CELA1: variants seen among roughly 807,000 people sequenced by gnomAD.
The protein encoded by CELA1 is chymotrypsin like elastase 1.
A neutral mutation model predicts 34.8 loss-of-function variants in CELA1; 28 were observed. The observed-to-expected ratio is 0.80, with a 90% confidence interval of 0.60 to 1.10. CELA1 has a LOEUF of 1.10. CELA1 is among the 50% of genes least tolerant of loss of function. The pLI is 0.00. For missense variants in CELA1, 288 were observed against 327.5 expected, an observed-to-expected ratio of 0.88 and a Z score of 0.93; for synonymous variants, 140 against 129.8, an observed-to-expected ratio of 1.08 and a Z score of -0.53.
At chr12:51,340,388 C>CTTTTTTTT (rs11315182) in intron 5 of CELA1, among the ~76,000 whole-genome samples, 3 of 121,552 alleles carry the variant, frequency 2.5e-5, no homozygotes, top group Non-Finnish European at 3.4e-5. Flanking sequence ...TTCTTTCTTT[C>CTTTTTTTT]TTTTTTTTTT....
intron 6 of CELA1, among the ~76,000 whole-genome samples, chr12:51,330,381 G>A (rs1190716091): frequency 2.0e-5 from 3 of 152,318 alleles, no homozygotes; most frequent in South Asian, 2.1e-4. Flanking sequence ...TGGGTTTATG[G>A]AATATGATCT....
intron 6 of CELA1, among the ~76,000 whole-genome samples, chr12:51,332,599 T>A (rs1418908499): frequency 6.6e-6 from 1 of 152,084 alleles, no homozygotes; most frequent in Non-Finnish European, 1.5e-5. Flanking sequence ...GTGTGGTGGC[T>A]TACACCTGTA....
chr12:51,332,662 T>C (rs185019982), intron 6 of CELA1, among the ~76,000 whole-genome samples: 52 of 152,032 alleles, frequency 3.4e-4, no homozygotes, highest in African/African-American at 1.2e-3. Flanking sequence ...GCCAGGAGTT[T>C]GAGACCAGCC....
At chr12:51,339,787 A>G (rs1447564544) in intron 6 of CELA1, 73 bp downstream of exon 6, 5 of 1,459,678 alleles carry the variant, frequency 3.4e-6, no homozygotes, top group Non-Finnish European at 4.7e-6. Flanking sequence ...TCGAATAGGG[A>G]GGTGAGGAAG....
At chr12:51,334,587 C>T (rs1343233102) in intron 6 of CELA1, among the ~76,000 whole-genome samples, 1 of 152,186 alleles carries the variant, frequency 6.6e-6, no homozygotes, top group African/African-American at 2.4e-5. Flanking sequence ...GCACCCGCCA[C>T]CACACCCGGC....
At chr12:51,332,294 T>C (rs1946474735) in intron 6 of CELA1, among the ~76,000 whole-genome samples, 1 of 152,158 alleles carries the variant, frequency 6.6e-6, no homozygotes, top group South Asian at 2.1e-4. Flanking sequence ...ATGCCGAATG[T>C]TGATCTAACC....
chr12:51,339,991 C>A lies in CELA1; in HGVS notation c.478G>T (p.Ala160Ser). 2 of 1,613,470 alleles carry A rather than the reference C, an allele frequency of 1.2e-6. No homozygotes were observed. The highest frequency in any genetic ancestry group is 1.7e-6 in the Non-Finnish European group (2 of 1,179,724). Residue 160 changes from alanine (A) to serine (S), a missense_variant, in exon 6 of 8, where the codon GCC becomes TCC. Physicochemically the swap from Ala to Ser is moderately conservative, Grantham distance 99. Coordinates refer to ENST00000293636, the MANE Select transcript of CELA1 (RefSeq NM_001971.6). ...WGKTKTNGQL[A>S]QTLQQAYLPS... Reference sequence around the variant, plus strand: ...AGGTAAGCCTGCTGCAGGGTCTGGGCCAGCTGCCCATTGGCTGAACAGGAC... The same window carrying A: ...AGGTAAGCCTGCTGCAGGGTCTGGGACAGCTGCCCATTGGCTGAACAGGAC...
At chr12:51,334,932 G>T (rs969916495) in intron 6 of CELA1, among the ~76,000 whole-genome samples, 1 of 152,254 alleles carries the variant, frequency 6.6e-6, no homozygotes. Context: ...CAACATCTTG[G>T]AGGACTGTCC....
chr12:51,345,508 C>A (rs1026252059), intron 2 of CELA1, among the ~76,000 whole-genome samples: 2 of 152,142 alleles, frequency 1.3e-5, no homozygotes, highest in African/African-American at 4.8e-5. Context: ...TGTCTGGCAC[C>A]CAGTCTTTCT....
At chr12:51,332,187 T>TAA (rs35398341) in intron 6 of CELA1, among the ~76,000 whole-genome samples, 7,603 of 140,132 alleles carry the variant, frequency 0.054, 626 homozygotes, top group East Asian at 0.26. Flanking sequence ...CCTGTCTCTT[T>TAA]AAAAAAAAAA....
intron 6 of CELA1, among the ~76,000 whole-genome samples, chr12:51,338,655 T>A (rs1292292861): frequency 6.6e-6 from 1 of 152,168 alleles, no homozygotes; most frequent in African/African-American, 2.4e-5. Context: ...CCTGTGCACA[T>A]CCTGATTATT....
At chr12:51,340,635 C>G (rs895064345) in intron 5 of CELA1, among the ~76,000 whole-genome samples, 2 of 152,016 alleles carry the variant, frequency 1.3e-5, no homozygotes, top group African/African-American at 4.8e-5. Context: ...CTCCTGAGTA[C>G]CTGGGACTAC....
chr12:51,334,596 G>A (rs558991502), intron 6 of CELA1, among the ~76,000 whole-genome samples: 10 of 152,182 alleles, frequency 6.6e-5, no homozygotes, highest in African/African-American at 2.4e-4. Flanking sequence ...ACCACACCCG[G>A]CTAATTTTTT....
At chr12:51,337,952 G>A (rs572950553) in intron 6 of CELA1, among the ~76,000 whole-genome samples, 12 of 150,800 alleles carry the variant, frequency 8.0e-5, no homozygotes, top group African/African-American at 1.5e-4. Context: ...ATGGCCAGGC[G>A]CGGTGGCTCA....
rs17860340 is a variant in CELA1 at position 51,334,414 on chromosome 12, T to C, written c.610-4581A>G. Among the ~76,000 whole-genome samples, 368 of 152,222 alleles carry C rather than the reference T, an allele frequency of 2.4e-3. 2 individuals carry two copies. Among genetic ancestry groups the C allele is most frequent in the African/African-American group, 8.3e-3 (344 of 41,528 alleles). On this transcript the variant is annotated intron_variant, in intron 6 of 7. Coordinates refer to ENST00000293636, the MANE Select transcript of CELA1 (RefSeq NM_001971.6). ...TTATTTCCATGGTTCTTTGTACTCA[T>C]ACACACAAAAAACTTTTTAATCCTT...
At chr12:51,330,882 A>G (rs1946465216) in intron 6 of CELA1, among the ~76,000 whole-genome samples, 1 of 149,062 alleles carries the variant, frequency 6.7e-6, no homozygotes, top group South Asian at 2.2e-4. Context: ...AGGCAGGAGA[A>G]TGGCGTGAAC....
At chr12:51,341,718 G>A (rs1043953639) in intron 4 of CELA1, among the ~76,000 whole-genome samples, 2 of 152,012 alleles carry the variant, frequency 1.3e-5, no homozygotes, top group African/African-American at 4.8e-5. Context: ...GTAAAAGGCT[G>A]AGTGGCTCTA....
At chr12:51,342,545 A>G in intron 4 of CELA1, 30 bp downstream of exon 4, 1 of 1,613,966 alleles carries the variant, frequency 6.2e-7, no homozygotes, top group Non-Finnish European at 8.5e-7. Context: ...CTCACCGCCC[A>G]GCCCAGGGCC....
intron 6 of CELA1, 69 bp from the exon 7 acceptor site, chr12:51,329,902 C>A: frequency 1.4e-6 from 2 of 1,432,342 alleles, no homozygotes; most frequent in Non-Finnish European, 1.9e-6. Context: ...CCCCCCGCCC[C>A]CGTCTCTGGT....
Sources: allele counts gnomAD v4.1 joint callset (sites outside exome capture counted in the v4.1 genomes callset), GRCh38; gene constraint gnomAD v4.1.1; transcripts MANE v1.5; gene names NCBI Gene and HGNC (gene_info 2026-07-23, HGNC 2026-07-21).